Variants in GABRG3 observed in about 807,000 individuals in gnomAD.
The protein encoded by GABRG3 is gamma-aminobutyric acid type A receptor subunit gamma3.
In GABRG3, 25 loss-of-function variants were observed where a neutral mutation model predicts 48.8. The ratio of observed to expected loss-of-function variants is 0.51; its 90% CI spans 0.37 to 0.72. GABRG3 has a LOEUF of 0.72. Among genes scored for constraint, GABRG3 ranks in the 30% least tolerant of loss-of-function variants. The pLI, the probability that GABRG3 is intolerant of heterozygous loss-of-function variation, is 0.00. For missense variants in GABRG3, 394 were observed against 577.9 expected, an observed-to-expected ratio of 0.68 and a Z score of 3.26; for synonymous variants, 227 against 217.6, an observed-to-expected ratio of 1.04 and a Z score of -0.38.
chr15:27,157,102 A>T (rs1898450509), intron 3 of GABRG3, among the ~76,000 whole-genome samples: 1 of 152,222 alleles, frequency 6.6e-6, no homozygotes, highest in Non-Finnish European at 1.5e-5. Flanking sequence ...AATTATTTGC[A>T]CTTGCAGGTA....
chr15:27,229,574 T>G (rs2140446367), intron 3 of GABRG3, among the ~76,000 whole-genome samples: 1 of 152,132 alleles, frequency 6.6e-6, no homozygotes, highest in East Asian at 1.9e-4. Context: ...CCTCCCGGGT[T>G]CAAGCAATTC....
intron 6 of GABRG3, among the ~76,000 whole-genome samples, chr15:27,495,989 C>T (rs1878460458): frequency 6.6e-6 from 1 of 152,166 alleles, no homozygotes; most frequent in Non-Finnish European, 1.5e-5. Flanking sequence ...ACATTGTCTC[C>T]TTACTTGCAG....
intron 2 of GABRG3, among the ~76,000 whole-genome samples, chr15:27,018,195 A>G (rs1428201526): frequency 6.6e-6 from 1 of 152,266 alleles, no homozygotes; most frequent in African/African-American, 2.4e-5. Flanking sequence ...TCTCAAGGCC[A>G]TATGGCTACT....
At chr15:27,531,667 T>C (rs1403971457) in intron 9 of GABRG3, among the ~76,000 whole-genome samples, 1 of 152,232 alleles carries the variant, frequency 6.6e-6, no homozygotes. Context: ...CCTTCCATTA[T>C]TCAGTCCAAT....
chr15:27,139,131 T>G (rs1387895438), intron 3 of GABRG3, among the ~76,000 whole-genome samples: 1 of 152,122 alleles, frequency 6.6e-6, no homozygotes, highest in Non-Finnish European at 1.5e-5. Flanking sequence ...AGTCCCATGA[T>G]GAGCTGCCTG....
chr15:27,333,511 C>T (rs1171114891), intron 5 of GABRG3, among the ~76,000 whole-genome samples: 1 of 152,122 alleles, frequency 6.6e-6, no homozygotes, highest in Non-Finnish European at 1.5e-5. Context: ...AGGAGAGCTC[C>T]CCTGGTTTTG....
chr15:27,339,331 C>T (rs1245742289), intron 5 of GABRG3, among the ~76,000 whole-genome samples: 1 of 152,252 alleles, frequency 6.6e-6, no homozygotes, highest in East Asian at 1.9e-4. Context: ...AGCTCTGCGG[C>T]ATGTCCAGCA....
intron 3 of GABRG3, among the ~76,000 whole-genome samples, chr15:27,096,178 G>C (rs1049615724): frequency 1.3e-5 from 2 of 152,216 alleles, no homozygotes; most frequent in African/African-American, 4.8e-5. Flanking sequence ...GTTTCTGCGT[G>C]TCTTTTCTTC....
chr15:27,241,228 AT>A (rs1890118930), intron 3 of GABRG3, among the ~76,000 whole-genome samples: 1 of 149,710 alleles, frequency 6.7e-6, no homozygotes, highest in Non-Finnish European at 1.5e-5. Flanking sequence ...ACAACAGGTC[AT>A]TGGTCATGAG....
chr15:27,521,901 A>G (rs1346522165), intron 7 of GABRG3, among the ~76,000 whole-genome samples: 1 of 152,066 alleles, frequency 6.6e-6, no homozygotes, highest in Non-Finnish European at 1.5e-5. Flanking sequence ...ATAACTGACT[A>G]TAACTGAGGT....
chr15:27,018,121 G>T (rs751129666), intron 2 of GABRG3, among the ~76,000 whole-genome samples: 2 of 152,214 alleles, frequency 1.3e-5, no homozygotes, highest in Non-Finnish European at 2.9e-5. Flanking sequence ...TTTGGAAAGA[G>T]AACTTACTTC....
rs778351261 is a variant in GABRG3 at position 26,975,436 on chromosome 15, G to GT, written c.54-1565dup. Among the ~76,000 whole-genome samples the GT allele has an allele frequency of 2.6e-5, 4 of 152,214 alleles. No individual in the cohort carries two copies. Among genetic ancestry groups the GT allele is most frequent in the East Asian group, 3.9e-4 (2 of 5,168 alleles). On this transcript the variant is annotated intron_variant, in intron 1 of 9. Coordinates refer to ENST00000615808, the MANE Select transcript of GABRG3 (RefSeq NM_033223.5). The surrounding 1 kb of genome is among the most constrained non-coding windows in gnomAD (Gnocchi z 4.6). ...ACTTTAAGATCAGCCTAGGAAAAACGTAAGTGGGGAAGTCATTCTTTGAGA... is the reference window on the plus strand; with the variant it reads ...ACTTTAAGATCAGCCTAGGAAAAACGTTAAGTGGGGAAGTCATTCTTTGAGA...
intron 6 of GABRG3, among the ~76,000 whole-genome samples, chr15:27,494,350 G>A (rs1890430696): frequency 6.6e-6 from 1 of 151,810 alleles, no homozygotes; most frequent in African/African-American, 2.4e-5. Context: ...GAGTAATTCT[G>A]GCCTCATAAA....
intron 2 of GABRG3, among the ~76,000 whole-genome samples, chr15:27,013,337 C>T (rs968508184): frequency 6.6e-6 from 1 of 152,040 alleles, no homozygotes; most frequent in Admixed American, 6.6e-5. Flanking sequence ...GTTCCTTCTA[C>T]GTCTTGGCTA....
chr15:27,425,448 CA>C (rs57986546), intron 5 of GABRG3, among the ~76,000 whole-genome samples: 3,067 of 77,834 alleles, frequency 0.039, 97 homozygotes, highest in African/African-American at 0.1. Context: ...ACTAAAAATA[CA>C]AAAAAAAAAA....
chr15:27,325,539 C>A (rs1893584746), intron 3 of GABRG3, among the ~76,000 whole-genome samples: 2 of 152,178 alleles, frequency 1.3e-5, no homozygotes, highest in Admixed American at 1.3e-4. Flanking sequence ...GCCTGGATAC[C>A]TTTTGTTTCC....
intron 3 of GABRG3, among the ~76,000 whole-genome samples, chr15:27,056,688 G>A (rs1423805192): frequency 1.3e-5 from 2 of 152,104 alleles, no homozygotes; most frequent in African/African-American, 4.8e-5. Flanking sequence ...GACCCCCCAC[G>A]GTGGCTTCCA....
intron 3 of GABRG3, among the ~76,000 whole-genome samples, chr15:27,084,947 G>T (rs1897052083): frequency 6.6e-6 from 1 of 152,188 alleles, no homozygotes; most frequent in African/African-American, 2.4e-5. Flanking sequence ...CCAGCCCTAG[G>T]GGCCACTTCC....
At chr15:27,493,247 C>T (rs1221299094) in intron 6 of GABRG3, among the ~76,000 whole-genome samples, 1 of 151,950 alleles carries the variant, frequency 6.6e-6, no homozygotes, top group Non-Finnish European at 1.5e-5. Context: ...CTTTTCCATA[C>T]AATAGACTCG....
Sources: allele counts gnomAD v4.1 joint callset (sites outside exome capture counted in the v4.1 genomes callset), GRCh38; gene constraint gnomAD v4.1.1; non-coding constraint Gnocchi (gnomAD v3.1); transcripts MANE v1.5; gene names NCBI Gene and HGNC (gene_info 2026-07-23, HGNC 2026-07-21).